The following CEP192 variants were observed in gnomAD, a reference collection of about 807,000 sequenced individuals.
The protein encoded by CEP192 is centrosomal protein of 192 kDa.
In CEP192, 151 loss-of-function variants were observed where a neutral mutation model predicts 271.8. The observed-to-expected ratio is 0.56, with a 90% CI of 0.49 to 0.64. CEP192 has a LOEUF of 0.64. Ranked by LOEUF, CEP192 falls within the 30% of genes least tolerant of loss-of-function variation. The pLI, the probability that CEP192 is intolerant of heterozygous loss-of-function variation, is 0.00. For synonymous variants in CEP192, 995 were observed against 1,076.5 expected (o/e 0.92, Z 1.48); for missense variants, 2,910 against 3,020.5 (o/e 0.96, Z 0.86).
At chr18:13,121,096 G>A (rs1313956801) in intron 44 of CEP192, among the ~76,000 whole-genome samples, 1 of 152,180 alleles carries the variant, frequency 6.6e-6, no homozygotes, top group African/African-American at 2.4e-5. Context: ...TCCCAGACAC[G>A]AGACACTGTG....
intron 44 of CEP192, among the ~76,000 whole-genome samples, chr18:13,122,363 A>C (rs529116184): frequency 1.3e-5 from 2 of 152,306 alleles, no homozygotes; most frequent in Admixed American, 6.5e-5. Context: ...CACAGGTTGC[A>C]GTGAGCCGAG....
Position 13,099,511 on chromosome 18 carries a change from C to T in CEP192, c.6593C>T (p.Ser2198Phe), listed in dbSNP as rs2039605717. The change falls in exon 37 of 45, where the codon TCC (serine) becomes TTC (phenylalanine). Residue 2198 changes from serine to phenylalanine, a missense_variant. Ser to Phe is a radical substitution (Grantham distance 155, BLOSUM62 -2). Transcript: ENST00000506447. ...CAAATTCTTGTGAGTCCTAATTCCT[C>T]CTTATCCACAAAACAGTCAATGTTC... Reference protein sequence around the residue: ...KLQILVSPNSSLSTKQSMFPW... With the variant: ...KLQILVSPNSFLSTKQSMFPW... The T allele has an allele frequency of 6.2e-7, 1 of 1,600,620 alleles. No individual in the cohort carries two copies. The highest frequency in any genetic ancestry group is 1.1e-5 in the South Asian group (1 of 88,430).
In CEP192 at chr18:13,059,162, G is replaced by T. The variant is rs1318834857; in HGVS notation, c.4338G>T (p.Val1446=). The T allele has an allele frequency of 1.2e-6, 2 of 1,613,808 alleles. No individual in the cohort carries two copies. Among genetic ancestry groups the T allele is most frequent in the Non-Finnish European group, 8.5e-7 (1 of 1,179,740 alleles). ...CTCATGCCACAGAAGAGATAAAAGTGCTTTTTATACCATCCAGTCCTGGGG... is the reference window on the plus strand; with the variant it reads ...CTCATGCCACAGAAGAGATAAAAGTTCTTTTTATACCATCCAGTCCTGGGG... ...IRPHATEEIK[V]LFIPSSPGVF... Residue 1446 remains valine, a synonymous_variant, in exon 21 of 45, where the codon GTG becomes GTT. Coordinates refer to ENST00000506447, the MANE Select transcript of CEP192 (RefSeq NM_032142.4).
intron 40 of CEP192, among the ~76,000 whole-genome samples, chr18:13,110,967 G>T (rs2040183307): frequency 6.6e-6 from 1 of 152,176 alleles, no homozygotes; most frequent in Non-Finnish European, 1.5e-5. Context: ...CAGCTGATTG[G>T]ATGTGCTCAC....
In CEP192 at chr18:13,040,853, A is replaced by G; in HGVS notation, c.1833A>G (p.Arg611=). 2 of 1,590,736 alleles carry G rather than the reference A, an allele frequency of 1.3e-6. No homozygotes were observed. The highest frequency in any genetic ancestry group is 1.7e-6 in the Non-Finnish European group (2 of 1,168,086). ...VKRPSFGYFI[R]SPEKREPIAL... ...AGCCATCATTTGGCTATTTTATTAG[A>G]TCACCAGAGAAGAGAGAACCTATTG... Residue 611 remains arginine, a synonymous_variant, in exon 14 of 45, where the codon AGA becomes AGG. Transcript: ENST00000506447.
Position 13,055,846 on chromosome 18 carries a change from G to A in CEP192, c.3256G>A (p.Ala1086Thr), listed in dbSNP as rs774993736. The A allele has an allele frequency of 8.1e-6, 13 of 1,612,730 alleles. No individual in the cohort carries two copies. The East Asian group carries it at 1.3e-4, about 17-fold the overall frequency. Reference sequence around the variant, plus strand: ...CAGTCCAGCCGCATTGGAGGAACGGGCTATGGAAAAATTGAGAGAAAAAGT... The same window carrying A: ...CAGTCCAGCCGCATTGGAGGAACGGACTATGGAAAAATTGAGAGAAAAAGT... ...QGSPAALEER[A>T]MEKLREKVPF... is the part of the protein sequence containing the mutation. The change falls in exon 19 of 45, where the codon GCT becomes ACT. Residue 1086 changes from alanine to threonine, a missense_variant. Ala to Thr is a moderately conservative substitution (Grantham distance 58). Coordinates refer to ENST00000506447, the MANE Select transcript of CEP192 (RefSeq NM_032142.4).
chr18:13,036,637 G>A (rs2035932282), intron 11 of CEP192, among the ~76,000 whole-genome samples: 3 of 151,074 alleles, frequency 2.0e-5, no homozygotes, highest in Admixed American at 1.3e-4. Flanking sequence ...TCTGGCCCTG[G>A]CCCTCTTTGC....
Position 13,049,366 on chromosome 18 carries a change from A to G in CEP192, c.2575A>G (p.Arg859Gly), listed in dbSNP as rs779107349. The G allele has an allele frequency of 2.7e-5, 43 of 1,614,076 alleles. No individual in the cohort carries two copies. Among genetic ancestry groups the G allele is most frequent in the Non-Finnish European group, 3.6e-5 (42 of 1,180,020 alleles). ...NGESENQESF[R>G]TINSSNSVTN... ...AGAGAGTGAGAATCAAGAGTCATTTAGAACCATAAACTCCTCAAATTCAGT... is the reference window on the plus strand; with the variant it reads ...AGAGAGTGAGAATCAAGAGTCATTTGGAACCATAAACTCCTCAAATTCAGT... Residue 859 changes from arginine (R) to glycine (G), a missense_variant, in exon 16 of 45, where the codon AGA (arginine) becomes GGA (glycine). Coordinates refer to ENST00000506447, the MANE Select transcript of CEP192 (RefSeq NM_032142.4).
chr18:13,025,257 C>T (rs533870171), intron 9 of CEP192, among the ~76,000 whole-genome samples: 1 of 152,028 alleles, frequency 6.6e-6, no homozygotes, highest in East Asian at 1.9e-4. Context: ...CTCTATGTTG[C>T]CCAGAATGGA....
chr18:13,063,547 C>T (rs2037521019), intron 21 of CEP192, among the ~76,000 whole-genome samples: 1 of 152,064 alleles, frequency 6.6e-6, no homozygotes, highest in African/African-American at 2.4e-5. Context: ...ATATTTTGCC[C>T]AGTTTTTGAT....
chr18:13,056,195 A>G lies in CEP192; in HGVS notation c.3605A>G (p.Lys1202Arg). The G allele has an allele frequency of 1.2e-6, 2 of 1,614,074 alleles. No homozygotes were observed. The highest frequency in any genetic ancestry group is 1.7e-6 in the Non-Finnish European group (2 of 1,179,958). ...GATGAAGATCAAAGAATAAGTCCTA[A>G]AGATAAGTCAACTGCTGGCCGTGAG... ...PIDEDQRISP[K>R]DKSTAGREFS... The change falls in exon 19 of 45, where the codon AAA (lysine) becomes AGA (arginine). Residue 1202 changes from lysine (K) to arginine (R), a missense_variant. By Grantham distance (26) the Lys-to-Arg change is conservative (BLOSUM62 2). Coordinates refer to ENST00000506447, the MANE Select transcript of CEP192 (RefSeq NM_032142.4).
Position 12,992,220 on chromosome 18 carries a change from A to T in CEP192, c.-5+783A>T, listed in dbSNP as rs148284519. Among the ~76,000 whole-genome samples, 574 of 152,308 alleles carry T rather than the reference A, an allele frequency of 3.8e-3. 2 individuals carry two copies. Among genetic ancestry groups the T allele is most frequent in the African/African-American group, 0.013 (555 of 41,552 alleles). On this transcript the variant is annotated intron_variant, in intron 1 of 44. Transcript: ENST00000506447. ...TGGCGTTTTTACTGCTCCAAAATCA[A>T]CTTTTTCTCCAAATTTCAGTTTTCT...
Position 13,013,100 on chromosome 18 carries a change from CTG to C in CEP192, c.519+77_519+78del, listed in dbSNP as rs575374472. 304 of 713,830 alleles carry C rather than the reference CTG, an allele frequency of 4.3e-4. 1 individual carries two copies. Among genetic ancestry groups the C allele is most frequent in the African/African-American group, 1.9e-3 (102 of 55,100 alleles). The allele number at this position is 713,830 out of a possible 1,614,324, so 44.2% of individuals were successfully genotyped here. On this transcript the variant is annotated intron_variant, in intron 5 of 44. Coordinates refer to ENST00000506447, the MANE Select transcript of CEP192 (RefSeq NM_032142.4). ...AAAATTTCATATTTCGCATATATAA[CTG>C]TTAATATTAGTTAGATGTCATCTAC...
chr18:13,024,407 T>G (rs1053160982), intron 9 of CEP192: 1 of 433,898 alleles, frequency 2.3e-6, no homozygotes, highest in African/African-American at 2.1e-5. Flanking sequence ...TATACTTAGG[T>G]CTTGTTTTTT....
rs377666306 is a variant in CEP192 at position 13,124,080 on chromosome 18, A to G, written c.7476-552A>G. Among the ~76,000 whole-genome samples, 68 of 152,260 alleles carry G rather than the reference A, an allele frequency of 4.5e-4. 2 individuals are homozygous for G. The highest frequency in any genetic ancestry group is 1.5e-3 in the African/African-American group (64 of 41,552). The stretch of plus-strand genomic sequence containing the variant: ...GAGGCTGAGGCAGGAGAATTGCTTG[A>G]ATCTGGGAGGTAGAAGTTGCAGTGA... On this transcript the variant is annotated intron_variant, in intron 44 of 44. Coordinates refer to ENST00000506447, the MANE Select transcript of CEP192 (RefSeq NM_032142.4).
intron 7 of CEP192, among the ~76,000 whole-genome samples, chr18:13,018,080 A>G (rs9959303): frequency 0.036 from 5,460 of 152,274 alleles, 307 homozygotes; most frequent in African/African-American, 0.12. Flanking sequence ...GAATGGATTC[A>G]TAGTAAACCA....
chr18:13,034,521 G>A (rs1372097538), intron 11 of CEP192, among the ~76,000 whole-genome samples: 1 of 152,030 alleles, frequency 6.6e-6, no homozygotes, highest in East Asian at 1.9e-4. Flanking sequence ...AAGAGAGCCT[G>A]CCTCGGCCGG....
chr18:13,096,465 G>C (rs1175710938), intron 36 of CEP192, among the ~76,000 whole-genome samples, 158 bp downstream of exon 36: 1 of 152,228 alleles, frequency 6.6e-6, no homozygotes, highest in Non-Finnish European at 1.5e-5. Context: ...TCAGCTGTGA[G>C]TTCAAGTGGT....
Position 13,012,972 on chromosome 18 carries a change from G to T in CEP192, c.467-1G>T. 6.6e-7 allele frequency: 1 copy of T among 1,505,068 alleles called. No homozygotes were observed. Among genetic ancestry groups the T allele is most frequent in the South Asian group, 1.2e-5 (1 of 81,428 alleles). The allele number at this position is 1,505,068 out of a possible 1,614,324, so 93.2% of individuals were successfully genotyped here. ...CAGTTTGTTTTTGTTTTCTTACACA[G>T]ACTCACCTATTGATTTTCATTTACA... On this transcript the variant is annotated splice_acceptor_variant, in intron 4 of 44. Transcript: ENST00000506447. LOFTEE classifies it high-confidence loss of function.
Sources: gnomAD v4.1 joint callset for allele counts (sites outside exome capture counted in the v4.1 genomes callset) on GRCh38, gnomAD v4.1.1 for gene constraint, MANE v1.5 for transcripts, NCBI Gene and HGNC (gene_info 2026-07-23, HGNC 2026-07-21) for gene names.